PIP5K1A: variants seen among roughly 807,000 people sequenced by gnomAD.
The protein encoded by PIP5K1A is phosphatidylinositol-4-phosphate 5-kinase type 1 alpha.
A neutral mutation model predicts 72.9 loss-of-function variants in PIP5K1A; 46 were observed. The ratio of observed to expected loss-of-function variants is 0.63; its 90% CI spans 0.50 to 0.81. The LOEUF (loss-of-function observed/expected upper bound fraction) is 0.81. Ranked by LOEUF, PIP5K1A falls within the 30% of genes least tolerant of loss-of-function variation. PIP5K1A has a pLI of 0.00. For synonymous variants in PIP5K1A, 228 were observed against 255.1 expected, an observed-to-expected ratio of 0.89 and a Z score of 1.01; for missense variants, 458 against 706.1, an observed-to-expected ratio of 0.65 and a Z score of 3.98.
At chr1:151,235,691 T>A (rs1267042894) in intron 8 of PIP5K1A, among the ~76,000 whole-genome samples, 1 of 152,254 alleles carries the variant, frequency 6.6e-6, no homozygotes, top group African/African-American at 2.4e-5. Flanking sequence ...CAAATATGTA[T>A]TCCTTGTTCT....
chr1:151,238,011 TC>T (rs925934566), intron 9 of PIP5K1A, among the ~76,000 whole-genome samples, 170 bp from the exon 10 acceptor site: 1 of 152,256 alleles, frequency 6.6e-6, no homozygotes, highest in African/African-American at 2.4e-5. Context: ...GATCTCATTT[TC>T]TCCTGTTTTT....
At chr1:151,241,800 CAAAAAAA>C (rs201895156) in intron 12 of PIP5K1A, among the ~76,000 whole-genome samples, 12 of 60,194 alleles carry the variant, frequency 2.0e-4, no homozygotes, top group Non-Finnish European at 3.9e-4. Flanking sequence ...AACTCCATCT[CAAAAAAA>C]AAAAAAAAAA....
At chr1:151,214,739 T>C (rs1687329678) in intron 1 of PIP5K1A, among the ~76,000 whole-genome samples, 1 of 151,852 alleles carries the variant, frequency 6.6e-6, no homozygotes. Context: ...TCAAACAAAA[T>C]CTACCTTGTG....
chr1:151,197,104 C>T (rs867258698), upstream of PIP5K1A, among the ~76,000 whole-genome samples: 1 of 151,522 alleles, frequency 6.6e-6, no homozygotes, highest in African/African-American at 2.4e-5. Flanking sequence ...TCAGATGATC[C>T]ACCTACCTCG....
intron 4 of PIP5K1A, among the ~76,000 whole-genome samples, chr1:151,231,211 C>CA (rs33932262): frequency 4.4e-4 from 45 of 101,454 alleles, no homozygotes; most frequent in African/African-American, 7.5e-4. Flanking sequence ...GACTTAGTCT[C>CA]AAAAAAAAAA....
intron 1 of PIP5K1A, among the ~76,000 whole-genome samples, chr1:151,200,347 G>T (rs991899224): frequency 6.6e-6 from 1 of 151,458 alleles, no homozygotes; most frequent in African/African-American, 2.4e-5. Context: ...TGAAGATTGA[G>T]GGAGGGCTGA....
At chr1:151,241,964 G>A (rs587709788) in intron 12 of PIP5K1A, 159 bp from the exon 13 acceptor site, 1 of 709,748 alleles carries the variant, frequency 1.4e-6, no homozygotes, top group South Asian at 1.7e-5. Flanking sequence ...CTTGTTCTCT[G>A]AATAGTAATT....
chr1:151,221,184 G>A (rs1005539464), intron 1 of PIP5K1A, among the ~76,000 whole-genome samples: 14 of 152,236 alleles, frequency 9.2e-5, no homozygotes, highest in African/African-American at 2.9e-4. Flanking sequence ...CTTCCAAAGT[G>A]TTTATACAAA....
chr1:151,230,157 G>T (rs1689834768), intron 4 of PIP5K1A, among the ~76,000 whole-genome samples: 1 of 152,186 alleles, frequency 6.6e-6, no homozygotes, highest in Non-Finnish European at 1.5e-5. Flanking sequence ...TATAAGTAAT[G>T]CCTGGCCGAG....
intron 14 of PIP5K1A, among the ~76,000 whole-genome samples, chr1:151,245,258 A>G (rs1046081916): frequency 3.9e-5 from 6 of 152,146 alleles, no homozygotes; most frequent in Non-Finnish European, 8.8e-5. Context: ...CACATATTCT[A>G]CTTCTCACAT....
intron 3 of PIP5K1A, among the ~76,000 whole-genome samples, chr1:151,225,979 A>G (rs1272152702): frequency 6.6e-6 from 1 of 151,114 alleles, no homozygotes; most frequent in Non-Finnish European, 1.5e-5. Context: ...GAGATTTGCC[A>G]TGTTGCCCAG....
chr1:151,219,755 G>A (rs995548773), intron 1 of PIP5K1A, among the ~76,000 whole-genome samples: 3 of 151,548 alleles, frequency 2.0e-5, no homozygotes, highest in South Asian at 4.1e-4. Flanking sequence ...TCTAATCCCC[G>A]TACTTTGGGA....
chr1:151,210,265 A>G (rs1453255352), intron 1 of PIP5K1A, among the ~76,000 whole-genome samples: 1 of 148,184 alleles, frequency 6.7e-6, no homozygotes, highest in Non-Finnish European at 1.5e-5. Flanking sequence ...GCATGATGAT[A>G]GCTCACTGTA....
In PIP5K1A at chr1:151,198,915, A is replaced by G; in HGVS notation, c.-82A>G. 2.2e-6 allele frequency: 3 copies of G among 1,352,374 alleles called. No individual in the cohort carries two copies. In the Admixed American group the frequency reaches 5.1e-5, roughly 23 times the overall value. 83.8% of individuals were successfully genotyped at this position (1,352,374 alleles called of 1,614,324 possible). ...CACAGAACGCGGGTTCTGTAAAGAG[A>G]CGTTGGGAAGATTCGATTCCGAGAA... is the stretch of plus-strand genomic sequence containing the variant. On this transcript the variant is annotated 5_prime_UTR_variant, in exon 1 of 16. Transcript: ENST00000368888.
intron 1 of PIP5K1A, among the ~76,000 whole-genome samples, chr1:151,212,740 A>ATTTT (rs1397664295): frequency 3.3e-5 from 5 of 150,610 alleles, no homozygotes; most frequent in East Asian, 2.0e-4. Context: ...ACGCCTAGCC[A>ATTTT]ATTTCTGTAT....
chr1:151,239,814 C>A, intron 11 of PIP5K1A, 141 bp from the exon 12 acceptor site: 1 of 665,000 alleles, frequency 1.5e-6, no homozygotes, highest in Non-Finnish European at 2.7e-6. Flanking sequence ...AGGTGTGAGC[C>A]ACTACGTCTG....
chr1:151,223,505 C>T (rs1473049084), intron 1 of PIP5K1A, among the ~76,000 whole-genome samples: 11 of 151,514 alleles, frequency 7.3e-5, no homozygotes, highest in Admixed American at 1.3e-4. Context: ...ATTAGCCAGG[C>T]GTGATGGCAC....
chr1:151,237,125 C>T (rs910975309), intron 9 of PIP5K1A, among the ~76,000 whole-genome samples: 12 of 152,002 alleles, frequency 7.9e-5, no homozygotes, highest in Non-Finnish European at 1.6e-4. Flanking sequence ...CCACCGTGCC[C>T]GGCCACAGCA....
Position 151,234,177 on chromosome 1 carries a change from G to T in PIP5K1A, c.640-20G>T, listed in dbSNP as rs757181131. 6.4e-7 allele frequency: 1 copy of T among 1,566,690 alleles called. No homozygotes were observed. Among genetic ancestry groups the T allele is most frequent in the Non-Finnish European group, 8.7e-7 (1 of 1,156,026 alleles). ...TCAGCTAAGTTGTTCTCCTACTTCT[G>T]TTTCCTTTTGTGTTCTCAGAACCTC... On this transcript the variant is annotated intron_variant, in intron 7 of 15. Transcript: ENST00000368888.
Sources: allele counts gnomAD v4.1 joint callset (sites outside exome capture counted in the v4.1 genomes callset), GRCh38; gene constraint gnomAD v4.1.1; transcripts MANE v1.5; gene names NCBI Gene and HGNC (gene_info 2026-07-23, HGNC 2026-07-21).